GALNT7: variants seen among roughly 807,000 people sequenced by gnomAD.
GALNT7 encodes the protein N-acetylgalactosaminyltransferase 7.
In GALNT7, 60 loss-of-function variants were observed where a neutral mutation model predicts 82.1. The ratio of observed to expected loss-of-function variants is 0.73; its 90% CI spans 0.59 to 0.91. GALNT7 has a LOEUF of 0.91. Among genes scored for constraint, GALNT7 ranks in the 40% least tolerant of loss-of-function variants. The probability of loss-of-function intolerance (pLI) is 0.00; values close to 1 mark genes in which losing one functional copy is unlikely to be tolerated. For missense variants in GALNT7, 660 were observed against 804.2 expected (o/e 0.82, Z 2.17); for synonymous variants, 243 against 275.1 (o/e 0.88, Z 1.15).
chr4:173,316,546 A>G (rs1409755687), intron 9 of GALNT7: 1 of 152,144 alleles, frequency 6.6e-6, no homozygotes, highest in Non-Finnish European at 1.5e-5. Flanking sequence ...TCACTGTGGC[A>G]TGCCCATTAC....
intron 1 of GALNT7, among the ~76,000 whole-genome samples, chr4:173,184,175 C>T (rs1298920249): frequency 6.6e-6 from 1 of 152,006 alleles, no homozygotes; most frequent in Non-Finnish European, 1.5e-5. Context: ...GGCAGAGACG[C>T]TCCTCACTTC....
intron 1 of GALNT7, among the ~76,000 whole-genome samples, chr4:173,216,246 A>G (rs866447117): frequency 6.6e-6 from 1 of 152,216 alleles, no homozygotes; most frequent in South Asian, 2.1e-4. Context: ...TACTTTAGCA[A>G]ACACTTTCTT....
chr4:173,204,714 T>G (rs1733035021), intron 1 of GALNT7, among the ~76,000 whole-genome samples: 2 of 152,248 alleles, frequency 1.3e-5, no homozygotes, highest in Admixed American at 6.5e-5. Flanking sequence ...ATTTATTGTT[T>G]TCTTGACTTT....
intron 1 of GALNT7, among the ~76,000 whole-genome samples, chr4:173,223,018 T>TA (rs1015667305): frequency 6.6e-6 from 1 of 151,684 alleles, no homozygotes; most frequent in South Asian, 2.1e-4. Flanking sequence ...ATAAGAATCC[T>TA]AAAAAAAAAT....
intron 2 of GALNT7, among the ~76,000 whole-genome samples, chr4:173,290,295 T>G (rs1353387747): frequency 1.3e-5 from 2 of 152,238 alleles, no homozygotes; most frequent in Non-Finnish European, 2.9e-5. Context: ...AATAATGTAT[T>G]GAAACATTAT....
At chr4:173,230,410 G>T (rs1733992019) in intron 1 of GALNT7, among the ~76,000 whole-genome samples, 1 of 152,132 alleles carries the variant, frequency 6.6e-6, no homozygotes, top group Admixed American at 6.5e-5. Flanking sequence ...TAATGGTTTG[G>T]TATTGTGAAC....
rs536376685 is a variant in GALNT7 at position 173,277,541 on chromosome 4, C to G, written c.588-14567C>G. On this transcript the variant is annotated intron_variant, in intron 2 of 11. Transcript: ENST00000265000. ...GTGCACTCTGAGTCCATTTTGATGG[C>G]CTAGGGATGACGTCACATGGTTGCT... Among the ~76,000 whole-genome samples the G allele has an allele frequency of 3.3e-5, 5 of 152,254 alleles. No individual in the cohort carries two copies. In the South Asian group the frequency reaches 1.0e-3, roughly 32 times the overall value.
At chr4:173,316,297 C>A (rs373654067) in intron 9 of GALNT7, 1 of 152,442 alleles carries the variant, frequency 6.6e-6, no homozygotes, top group Non-Finnish European at 1.5e-5. Flanking sequence ...TGCAGATACA[C>A]GCATGCATGG....
At position 173,204,105 on chromosome 4, in the gene GALNT7, G is replaced by T. The variant is rs1057300286; in HGVS notation, c.126+35144G>T. Among the ~76,000 whole-genome samples the T allele has an allele frequency of 5.3e-5, 8 of 152,296 alleles. No homozygotes were observed. In the East Asian group the frequency reaches 1.5e-3, roughly 29 times the overall value. Reference sequence around the variant, plus strand: ...CTGAAGCACAGCTTAGCCAGGTACAGTATTCTTGGTTGGTGATTTTTTTCT... The same window carrying T: ...CTGAAGCACAGCTTAGCCAGGTACATTATTCTTGGTTGGTGATTTTTTTCT... On this transcript the variant is annotated intron_variant, in intron 1 of 11. Transcript: ENST00000265000.
intron 2 of GALNT7, among the ~76,000 whole-genome samples, chr4:173,262,073 T>C (rs1735290426): frequency 1.3e-5 from 2 of 152,316 alleles, no homozygotes; most frequent in South Asian, 4.1e-4. Flanking sequence ...ATAACTGAAT[T>C]CCAACACCTA....
At chr4:173,317,880 T>C (rs1737666631) in intron 10 of GALNT7, 148 bp downstream of exon 10, 1 of 607,312 alleles carries the variant, frequency 1.6e-6, no homozygotes, top group Admixed American at 3.1e-5. Flanking sequence ...AAATTGACAG[T>C]GTTAAAACAT....
At chr4:173,312,999 C>T (rs1325263400) in intron 8 of GALNT7, among the ~76,000 whole-genome samples, 1 of 151,982 alleles carries the variant, frequency 6.6e-6, no homozygotes, top group Non-Finnish European at 1.5e-5. Context: ...GCAGAGGTTG[C>T]AGTGAGCCGA....
At chr4:173,283,221 G>C (rs1736179992) in intron 2 of GALNT7, among the ~76,000 whole-genome samples, 1 of 152,172 alleles carries the variant, frequency 6.6e-6, no homozygotes, top group African/African-American at 2.4e-5. Flanking sequence ...TGAGTTGTTT[G>C]CAAAATAGAC....
chr4:173,291,149 G>A (rs1736517065), intron 2 of GALNT7, among the ~76,000 whole-genome samples: 1 of 152,134 alleles, frequency 6.6e-6, no homozygotes, highest in Non-Finnish European at 1.5e-5. Context: ...AATCAAAATT[G>A]CTGTCTTTCT....
rs1736968474 is a variant in GALNT7, at chr4:173,302,231, G to A, written c.1266+67G>A. ...CTAACTTCTGTGGCTTTCAGATAAA[G>A]CTAGTTTTTTGTGGGGGAAAAAAGC... On this transcript the variant is annotated intron_variant, in intron 7 of 11. Coordinates refer to ENST00000265000, the MANE Select transcript of GALNT7 (RefSeq NM_017423.3). This position sits in a 1 kb window ranked among gnomAD's most constrained non-coding sequence, Gnocchi z 4.2. 1.3e-6 allele frequency: 1 copy of A among 796,726 alleles called. No individual in the cohort carries two copies. The highest frequency in any genetic ancestry group is 2.0e-5 in the Admixed American group (1 of 50,268). 49.4% of individuals were successfully genotyped at this position (796,726 alleles called of 1,614,324 possible). A position where few individuals can be genotyped will look rare whatever the true frequency, so the allele number is the denominator to read the frequency against.
Position 173,320,562 on chromosome 4 carries a change from A to G in GALNT7, c.1837-1018A>G, listed in dbSNP as rs1010403054. On this transcript the variant is annotated intron_variant, in intron 11 of 11. Transcript: ENST00000265000. This position sits in a 1 kb window ranked among gnomAD's most constrained non-coding sequence, Gnocchi z 4.1. ...TGATCTGAAATGTTGTTTTCGTTCA[A>G]GTATATGAGGGAAACCCAGCCCCAC... 6.6e-6 allele frequency among the ~76,000 whole-genome samples: 1 copy of G among 152,146 alleles called. No homozygotes were observed. Among genetic ancestry groups the G allele is most frequent in the Non-Finnish European group, 1.5e-5 (1 of 68,014 alleles).
chr4:173,300,257 T>A (rs1041977737), intron 6 of GALNT7, among the ~76,000 whole-genome samples: 10 of 152,088 alleles, frequency 6.6e-5, no homozygotes, highest in Admixed American at 6.5e-4. Flanking sequence ...GCAGAGGGAT[T>A]GCTTGAGCCC....
chr4:173,195,228 T>C (rs1579899801), intron 1 of GALNT7, among the ~76,000 whole-genome samples: 1 of 152,328 alleles, frequency 6.6e-6, no homozygotes, highest in East Asian at 1.9e-4. Flanking sequence ...CTTCAAGTAT[T>C]TGTGACTATT....
intron 2 of GALNT7, among the ~76,000 whole-genome samples, chr4:173,252,942 G>A (rs1484274201): frequency 6.6e-6 from 1 of 152,172 alleles, no homozygotes; most frequent in Non-Finnish European, 1.5e-5. Context: ...GCTCATGCCT[G>A]TAATCCCAGC....
Sources: gnomAD v4.1 joint callset for allele counts (sites outside exome capture counted in the v4.1 genomes callset) on GRCh38, gnomAD v4.1.1 for gene constraint, Gnocchi (gnomAD v3.1) non-coding constraint, MANE v1.5 for transcripts, NCBI Gene and HGNC (gene_info 2026-07-23, HGNC 2026-07-21) for gene names.